Variants in ZDHHC15 observed in about 807,000 individuals in gnomAD.
The protein encoded by ZDHHC15 is zDHHC palmitoyltransferase 15, also known as palmitoyltransferase ZDHHC15.
ZDHHC15 carries 19 observed loss-of-function variants against 31.7 expected under a neutral mutation model. The observed-to-expected ratio is 0.60, with a 90% confidence interval of 0.42 to 0.88. The LOEUF is 0.88. Among genes scored for constraint, ZDHHC15 ranks in the 40% least tolerant of loss-of-function variants. The pLI, the probability that ZDHHC15 is intolerant of heterozygous loss-of-function variation, is 0.00. For missense variants in ZDHHC15, 209 were observed against 251.2 expected, an observed-to-expected ratio of 0.83 and a Z score of 1.14; for synonymous variants, 103 against 90.0, an observed-to-expected ratio of 1.14 and a Z score of -0.82.
intron 4 of ZDHHC15, among the ~76,000 whole-genome samples, chrX:75,439,120 T>A (rs1406419519): frequency 9.0e-6 from 1 of 111,687 alleles, no homozygotes; most frequent in East Asian, 2.8e-4. Flanking sequence ...GATACTCTGA[T>A]GACTGTGTGC....
At chrX:75,417,336 A>G in intron 9 of ZDHHC15, 146 bp from the exon 10 acceptor site, 1 of 381,750 alleles carries the variant, frequency 2.6e-6, no homozygotes, top group Non-Finnish European at 4.6e-6. Context: ...TTACAATAGC[A>G]TTATTTAGTT....
intron 3 of ZDHHC15, among the ~76,000 whole-genome samples, chrX:75,468,403 T>C (rs1424487147): frequency 8.9e-6 from 1 of 111,968 alleles, no homozygotes; most frequent in African/African-American, 3.2e-5. Context: ...TACATTCCTT[T>C]TCATGGCTGA....
chrX:75,478,750 A>G (rs2084643874), intron 3 of ZDHHC15, 141 bp downstream of exon 3: 5 of 455,470 alleles, frequency 1.1e-5, no homozygotes, highest in Non-Finnish European at 1.8e-5. Flanking sequence ...CCTACCCTCA[A>G]TTCACCTTTA....
At chrX:75,522,750 G>C in intron 1 of ZDHHC15, 139 bp downstream of exon 1, 2 of 837,358 alleles carry the variant, frequency 2.4e-6, no homozygotes, top group African/African-American at 4.1e-5. Flanking sequence ...CCAGAGGCTG[G>C]GGACAAGGAA....
chrX:75,422,407 T>C (rs891253189), intron 8 of ZDHHC15, among the ~76,000 whole-genome samples: 1 of 111,729 alleles, frequency 9.0e-6, no homozygotes. Flanking sequence ...TAATGACACA[T>C]AAAGAGATGG....
At chrX:75,388,132 C>T (rs747083729) in intron 10 of ZDHHC15, among the ~76,000 whole-genome samples, 3 of 111,970 alleles carry the variant, frequency 2.7e-5, no homozygotes, top group Non-Finnish European at 3.8e-5. Flanking sequence ...AAGTCTTTCC[C>T]GGATAAACAA....
intron 10 of ZDHHC15, among the ~76,000 whole-genome samples, chrX:75,382,350 T>C (rs1439182378): frequency 2.7e-5 from 3 of 112,495 alleles, no homozygotes; most frequent in Non-Finnish European, 3.8e-5. Context: ...ACATCCATGA[T>C]ATTACTGCAT....
intron 3 of ZDHHC15, among the ~76,000 whole-genome samples, chrX:75,456,807 C>T (rs1210788280): frequency 1.8e-5 from 2 of 111,393 alleles, no homozygotes; most frequent in Non-Finnish European, 3.8e-5. Flanking sequence ...ACTTACCAAA[C>T]ATAACAGCAA....
chrX:75,457,674 C>CAA (rs1294325051), intron 3 of ZDHHC15, among the ~76,000 whole-genome samples: 1 of 110,470 alleles, frequency 9.1e-6, no homozygotes, highest in East Asian at 2.8e-4. Flanking sequence ...CACACACACA[C>CAA]ACACACAGAG....
chrX:75,443,990 A>G (rs1259348334), intron 4 of ZDHHC15, among the ~76,000 whole-genome samples: 1 of 110,294 alleles, frequency 9.1e-6, no homozygotes, highest in African/African-American at 3.3e-5. Context: ...GAGGATGTGG[A>G]GAAATAGGAA....
intron 1 of ZDHHC15, among the ~76,000 whole-genome samples, chrX:75,518,022 C>T (rs967599023): frequency 3.8e-4 from 42 of 110,141 alleles, no homozygotes; most frequent in Non-Finnish European, 7.2e-4. Flanking sequence ...CCAAAACCAA[C>T]CAACCAACCA....
intron 1 of ZDHHC15, among the ~76,000 whole-genome samples, chrX:75,506,268 A>G (rs1458188611): frequency 1.8e-5 from 2 of 111,982 alleles, no homozygotes; most frequent in African/African-American, 6.5e-5. Context: ...ATATGTATAC[A>G]TGTGCCATGT....
At chrX:75,468,614 T>G (rs2084452039) in intron 3 of ZDHHC15, among the ~76,000 whole-genome samples, 1 of 111,838 alleles carries the variant, frequency 8.9e-6, no homozygotes, top group African/African-American at 3.2e-5. Flanking sequence ...ACATGGTAAT[T>G]ATATATTTAA....
At chrX:75,409,782 G>T in intron 10 of ZDHHC15, among the ~76,000 whole-genome samples, 1 of 68,328 alleles carries the variant, frequency 1.5e-5, no homozygotes, top group African/African-American at 5.9e-5. Flanking sequence ...GCAACAGAAT[G>T]AGACCCCATC....
intron 10 of ZDHHC15, among the ~76,000 whole-genome samples, chrX:75,397,542 T>TTA (rs2083311979): frequency 1.9e-5 from 2 of 105,279 alleles, no homozygotes; most frequent in African/African-American, 6.9e-5. Flanking sequence ...AAATTAAAAA[T>TTA]AAAAAAAAAC....
At position 75,425,482 on chromosome X, in the gene ZDHHC15, G is replaced by A. The variant is rs752956661; in HGVS notation, c.604-698C>T. Among the ~76,000 whole-genome samples the A allele has an allele frequency of 3.6e-5, 4 of 112,190 alleles. No homozygotes were observed. In the Admixed American group the frequency reaches 3.8e-4, roughly 11 times the overall value. ...ACATCTTATTTTCCATGTGGCACCA[G>A]CCTTTTTTTCCGACATGCAGCCTAG... On this transcript the variant is annotated intron_variant, in intron 7 of 11. Coordinates refer to ENST00000373367, the MANE Select transcript of ZDHHC15 (RefSeq NM_144969.3).
intron 1 of ZDHHC15, among the ~76,000 whole-genome samples, chrX:75,506,860 T>C (rs888150898): frequency 1.4e-4 from 16 of 112,047 alleles, no homozygotes; most frequent in Non-Finnish European, 2.3e-4. Flanking sequence ...GAGGAGCTGA[T>C]AAATTGCTGT....
intron 1 of ZDHHC15, among the ~76,000 whole-genome samples, chrX:75,507,451 C>CTTCT (rs1446550324): frequency 4.5e-5 from 5 of 110,868 alleles, no homozygotes; most frequent in Non-Finnish European, 7.6e-5. Context: ...TATCTTGGTA[C>CTTCT]TTCTGCCTTT....
At chrX:75,454,160 C>T (rs991888230) in intron 3 of ZDHHC15, among the ~76,000 whole-genome samples, 2 of 111,974 alleles carry the variant, frequency 1.8e-5, no homozygotes, top group African/African-American at 6.5e-5. Flanking sequence ...AGCCCAAAAT[C>T]TCCTTAAGCT....
Sources: gnomAD v4.1 joint callset for allele counts (sites outside exome capture counted in the v4.1 genomes callset) on GRCh38, gnomAD v4.1.1 for gene constraint, MANE v1.5 for transcripts, NCBI Gene and HGNC (gene_info 2026-07-23, HGNC 2026-07-21) for gene names.